The following CPED1 variants were observed in gnomAD, a reference collection of about 807,000 sequenced individuals.
CPED1 encodes the protein cadherin-like and PC-esterase domain-containing protein 1.
Under a neutral mutation model 128.2 loss-of-function variants are expected in CPED1, and 114 were observed. The observed-to-expected ratio is 0.89, with a 90% CI of 0.76 to 1.04. The LOEUF is 1.04. CPED1 is among the 50% of genes least tolerant of loss of function. The probability of loss-of-function intolerance (pLI) is 0.00; values close to 1 mark genes in which losing one functional copy is unlikely to be tolerated. For missense variants in CPED1, 1,211 were observed against 1,207.1 expected (o/e 1.00, Z -0.05); for synonymous variants, 462 against 426.7 (o/e 1.08, Z -1.02).
At chr7:121,076,853 A>G (rs73221271) in intron 5 of CPED1, among the ~76,000 whole-genome samples, 11,965 of 152,136 alleles carry the variant, frequency 0.079, 726 homozygotes, top group African/African-American at 0.17. Flanking sequence ...TATGGCCAGA[A>G]AAACCTAAAT....
chr7:121,142,437 T>C (rs889069321), intron 16 of CPED1, among the ~76,000 whole-genome samples: 2 of 152,042 alleles, frequency 1.3e-5, no homozygotes, highest in African/African-American at 4.8e-5. Context: ...GTTTCACATT[T>C]TCCTTTTAAA....
At chr7:121,129,286 T>TTTATATATATATATATACAC (rs1795588557) in intron 11 of CPED1, among the ~76,000 whole-genome samples, 1 of 76,598 alleles carries the variant, frequency 1.3e-5, no homozygotes, top group East Asian at 2.5e-4. Context: ...TGTGTATATA[T>TTTATATATATATATATACAC]GTATATATAT....
intron 5 of CPED1, among the ~76,000 whole-genome samples, chr7:121,079,981 A>T (rs1434731070): frequency 1.3e-5 from 2 of 152,200 alleles, no homozygotes; most frequent in Non-Finnish European, 2.9e-5. Flanking sequence ...GAAAAGAAAG[A>T]TATTCAGTTT....
At chr7:121,009,437 T>G (rs1431763031) in intron 2 of CPED1, among the ~76,000 whole-genome samples, 1 of 151,902 alleles carries the variant, frequency 6.6e-6, no homozygotes, top group Non-Finnish European at 1.5e-5. Context: ...AAGCCCCATC[T>G]TTACAAAAAA....
intron 16 of CPED1, among the ~76,000 whole-genome samples, chr7:121,221,390 T>A (rs1273409893): frequency 6.6e-6 from 1 of 152,246 alleles, no homozygotes; most frequent in Non-Finnish European, 1.5e-5. Flanking sequence ...TGGTTCCAAG[T>A]CTTTGCTATT....
At chr7:120,997,146 A>T (rs1422848276) in intron 2 of CPED1, among the ~76,000 whole-genome samples, 1 of 152,228 alleles carries the variant, frequency 6.6e-6, no homozygotes, top group Non-Finnish European at 1.5e-5. Flanking sequence ...TTGAGAACCT[A>T]TGGAGTTTCA....
chr7:121,259,298 C>T (rs928556102), intron 18 of CPED1, among the ~76,000 whole-genome samples: 6 of 151,990 alleles, frequency 3.9e-5, no homozygotes, highest in African/African-American at 1.4e-4. Context: ...TCATATACCT[C>T]AGTCATTTGT....
chr7:121,261,954 C>G (rs767271373), intron 18 of CPED1: 1 of 437,728 alleles, frequency 2.3e-6, no homozygotes, highest in African/African-American at 2.1e-5. Context: ...CTCCAAGTCT[C>G]ATGTTGAAAT....
chr7:120,999,693 A>G (rs930475421), intron 2 of CPED1, among the ~76,000 whole-genome samples: 3 of 152,186 alleles, frequency 2.0e-5, no homozygotes, highest in African/African-American at 7.2e-5. Flanking sequence ...CGCAACTTCC[A>G]TAGAATTAGT....
chr7:121,101,835 A>G (rs2116230532), intron 7 of CPED1, among the ~76,000 whole-genome samples: 1 of 152,220 alleles, frequency 6.6e-6, no homozygotes, highest in Admixed American at 6.6e-5. Flanking sequence ...AGAACTCACC[A>G]CAGGGAAGGC....
intron 16 of CPED1, among the ~76,000 whole-genome samples, chr7:121,149,182 C>A (rs1220945420): frequency 3.3e-5 from 5 of 152,182 alleles, no homozygotes; most frequent in African/African-American, 1.2e-4. Flanking sequence ...CAAGAGCCCA[C>A]AAAGCACCTA....
intron 18 of CPED1, among the ~76,000 whole-genome samples, chr7:121,256,770 T>A (rs1476902051): frequency 1.3e-5 from 2 of 152,068 alleles, no homozygotes; most frequent in Non-Finnish European, 2.9e-5. Context: ...TGCACTCGTA[T>A]GTTCATCACC....
intron 17 of CPED1, among the ~76,000 whole-genome samples, chr7:121,237,657 A>T (rs908413590): frequency 6.6e-6 from 1 of 152,076 alleles, no homozygotes; most frequent in East Asian, 1.9e-4. Flanking sequence ...ATCTTCTCCA[A>T]GTTTCCTGGT....
chr7:121,275,724 A>G (rs1792317628), intron 22 of CPED1, among the ~76,000 whole-genome samples: 2 of 152,130 alleles, frequency 1.3e-5, no homozygotes, highest in South Asian at 2.1e-4. Context: ...TACTATAGAA[A>G]GAAGAAAAGA....
chr7:121,284,716 G>T (rs1156623505), intron 22 of CPED1, among the ~76,000 whole-genome samples: 1 of 152,230 alleles, frequency 6.6e-6, no homozygotes, highest in Non-Finnish European at 1.5e-5. Flanking sequence ...TCACATCCAA[G>T]TCATGCTGAT....
chr7:121,083,176 A>G (rs1794334883), intron 5 of CPED1, among the ~76,000 whole-genome samples: 1 of 152,124 alleles, frequency 6.6e-6, no homozygotes, highest in African/African-American at 2.4e-5. Flanking sequence ...TGCCTACTCC[A>G]GACTCAGCTC....
chr7:121,015,884 G>T, intron 3 of CPED1, 36 bp downstream of exon 3: 1 of 1,349,830 alleles, frequency 7.4e-7, no homozygotes, highest in South Asian at 2.2e-5. Flanking sequence ...AAAGTCACTT[G>T]ACATATAATG....
chr7:121,006,090 ATTG>A (rs1443303196), intron 2 of CPED1, among the ~76,000 whole-genome samples: 1 of 152,080 alleles, frequency 6.6e-6, no homozygotes, highest in African/African-American at 2.4e-5. Context: ...AGGTATTGAT[ATTG>A]TTGTTGTAAT....
intron 3 of CPED1, among the ~76,000 whole-genome samples, chr7:121,030,514 C>T (rs1316438821): frequency 6.6e-6 from 1 of 152,226 alleles, no homozygotes; most frequent in African/African-American, 2.4e-5. Flanking sequence ...TCTAACATCT[C>T]CATGCTGTAG....
Sources: allele counts gnomAD v4.1 joint callset (sites outside exome capture counted in the v4.1 genomes callset), GRCh38; gene constraint gnomAD v4.1.1; transcripts MANE v1.5; gene names NCBI Gene and HGNC (gene_info 2026-07-23, HGNC 2026-07-21).